The following DYSF variants were observed in gnomAD, a reference collection of about 807,000 sequenced individuals.
The protein encoded by DYSF is dysferlin.
A neutral mutation model predicts 274.9 loss-of-function variants in DYSF; 212 were observed. That is an observed-to-expected ratio of 0.77 (90% CI 0.69 to 0.86). The LOEUF is 0.86. DYSF is among the 40% of genes least tolerant of loss of function. DYSF has a pLI of 0.00. For synonymous variants in DYSF, 1,091 were observed against 1,078.7 expected (o/e 1.01, Z -0.22); for missense variants, 2,666 against 2,783.2 (o/e 0.96, Z 0.95).
At chr2:71,585,863 G>A (rs955091850) in intron 30 of DYSF, among the ~76,000 whole-genome samples, 5 of 152,156 alleles carry the variant, frequency 3.3e-5, no homozygotes, top group African/African-American at 9.7e-5. Flanking sequence ...AATTCAGGGC[G>A]AAGTGGGAGT....
chr2:71,552,125 T>A (rs1246042647), intron 19 of DYSF, among the ~76,000 whole-genome samples: 1 of 152,188 alleles, frequency 6.6e-6, no homozygotes, highest in East Asian at 1.9e-4. Flanking sequence ...ATTATTATTA[T>A]CCCCATTTCA....
At position 71,466,733 on chromosome 2, in the gene DYSF, C is replaced by G. The variant is rs2081558292; in HGVS notation, c.-110C>G. On this transcript the variant is annotated 5_prime_UTR_variant, in exon 1 of 56. Transcript: ENST00000410020. ...CGGAGGAGCAGCGAAGGCGACAGCT[C>G]TCTTGGCGCGGCTGCCTGGGAGCCG... 7.1e-7 allele frequency: 1 copy of G among 1,403,088 alleles called. No individual in the cohort carries two copies. Among genetic ancestry groups the G allele is most frequent in the Admixed American group, 2.8e-5 (1 of 35,232 alleles). The allele number at this position is 1,403,088 out of a possible 1,614,324, so 86.9% of individuals were successfully genotyped here. A position where few individuals can be genotyped will look rare whatever the true frequency, so the allele number is the denominator to read the frequency against.
chr2:71,618,686 AG>A (rs2094011712), intron 40 of DYSF, among the ~76,000 whole-genome samples: 1 of 103,458 alleles, frequency 9.7e-6, no homozygotes. Context: ...GAGGGATGTG[AG>A]TGTGTGTGCG....
chr2:71,671,047 A>C (rs892775976), intron 51 of DYSF, among the ~76,000 whole-genome samples: 2 of 152,038 alleles, frequency 1.3e-5, no homozygotes, highest in African/African-American at 2.4e-5. Flanking sequence ...CAGTGCCTGC[A>C]TTTTCTTGAT....
intron 52 of DYSF, among the ~76,000 whole-genome samples, chr2:71,677,085 G>A (rs912248799): frequency 2.0e-5 from 3 of 152,130 alleles, no homozygotes; most frequent in Non-Finnish European, 4.4e-5. Flanking sequence ...ATATACAGTT[G>A]AATAAGTGGA....
At chr2:71,618,435 GT>G (rs2093986482) in intron 40 of DYSF, among the ~76,000 whole-genome samples, 4 of 130,152 alleles carry the variant, frequency 3.1e-5, no homozygotes, top group South Asian at 2.7e-4. Context: ...TAGAGGTGGG[GT>G]GTGTGTGGTA....
chr2:71,634,607 C>T (rs963094417), intron 41 of DYSF, among the ~76,000 whole-genome samples: 1 of 152,174 alleles, frequency 6.6e-6, no homozygotes, highest in Non-Finnish European at 1.5e-5. Context: ...CTTTATTTTT[C>T]TGTAAATCAA....
chr2:71,624,591 T>A (rs1167093298), intron 41 of DYSF, among the ~76,000 whole-genome samples: 1 of 152,178 alleles, frequency 6.6e-6, no homozygotes, highest in Non-Finnish European at 1.5e-5. Context: ...ATTTGGAAAT[T>A]ATATGATACA....
Position 71,470,753 on chromosome 2 carries a change from C to T in DYSF, c.91+3820C>T, listed in dbSNP as rs559007504. ...CCTTCCTTCTTTCCTTCCTTCCTTCCTTCCTTCCTTCCTTCCTTCCTTCCT... is the reference window on the plus strand; with the variant it reads ...CCTTCCTTCTTTCCTTCCTTCCTTCTTTCCTTCCTTCCTTCCTTCCTTCCT... On this transcript the variant is annotated intron_variant, in intron 1 of 55. Coordinates refer to ENST00000410020, the MANE Select transcript of DYSF (RefSeq NM_001130987.2). 4.2e-3 allele frequency among the ~76,000 whole-genome samples: 580 copies of T among 137,712 alleles called. 5 individuals carry two copies. Among genetic ancestry groups the T allele is most frequent in the African/African-American group, 0.014 (533 of 37,812 alleles). The allele number at this position is 137,712 out of a possible 152,430, so 90.3% of individuals were successfully genotyped here. A position where few individuals can be genotyped will look rare whatever the true frequency, so the allele number is the denominator to read the frequency against.
In DYSF at chr2:71,561,941, G is replaced by A; in HGVS notation, c.2406G>A (p.Glu802=). 1.2e-6 allele frequency: 2 copies of A among 1,613,588 alleles called. No homozygotes were observed. Among genetic ancestry groups the A allele is most frequent in the South Asian group, 1.1e-5 (1 of 90,982 alleles). ...DWLLRLRALA[E]EPQNSLPDIV... is the part of the protein sequence containing the mutation. ...TCCTGCGTCTGCGTGCCCTGGCAGA[G>A]GAGGTAATTAAGCCTGGGGGTGCCT... Residue 802 remains glutamate (E), a synonymous_variant, in exon 23 of 56, where the codon GAG becomes GAA. Coordinates refer to ENST00000410020, the MANE Select transcript of DYSF (RefSeq NM_001130987.2).
In DYSF at chr2:71,513,349, G is replaced by A. The variant is rs1445811411; in HGVS notation, c.553+17G>A. ...CCCCCACGGGTGAGACACGGGCCAG[G>A]ACTGTCCTGATCCCAGACCCTCCCT... On this transcript the variant is annotated intron_variant, in intron 6 of 55. Coordinates refer to ENST00000410020, the MANE Select transcript of DYSF (RefSeq NM_001130987.2). 2 of 1,550,432 alleles carry A rather than the reference G, an allele frequency of 1.3e-6. No individual in the cohort carries two copies. The highest frequency in any genetic ancestry group is 8.7e-7 in the Non-Finnish European group (1 of 1,146,142).
rs2081562962 is a variant in DYSF at position 71,466,788 on chromosome 2, G to A, written c.-55G>A. On this transcript the variant is annotated 5_prime_UTR_variant, in exon 1 of 56. In the 5' UTR this introduces an upstream ATG that the reference lacks. Transcript: ENST00000410020. The stretch of plus-strand genomic sequence containing the variant: ...CTTGCTGGGTGGGTGCTCGGGCCCG[G>A]TGCTCCCGCTCCCGCCCTGACTGCG... The A allele has an allele frequency of 4.8e-6, 7 of 1,454,428 alleles. No homozygotes were observed. The highest frequency in any genetic ancestry group is 4.6e-6 in the Non-Finnish European group (5 of 1,090,458). The allele number at this position is 1,454,428 out of a possible 1,614,324, so 90.1% of individuals were successfully genotyped here. A position where few individuals can be genotyped will look rare whatever the true frequency, so the allele number is the denominator to read the frequency against.
rs144246151 is a variant in DYSF at position 71,508,513 on chromosome 2, G to C, written c.346-3294G>C. On this transcript the variant is annotated intron_variant, in intron 4 of 55. Transcript: ENST00000410020. ...TTTCTTTGACTTTTATAACCTTGTA[G>C]CTGGATATTTTTTTGAAATTCCGGC... Among the ~76,000 whole-genome samples the C allele has an allele frequency of 2.8e-3, 423 of 152,256 alleles. 2 individuals carry two copies. Among genetic ancestry groups the C allele is most frequent in the African/African-American group, 9.6e-3 (400 of 41,540 alleles).
chr2:71,505,808 G>A (rs974615378), intron 4 of DYSF, among the ~76,000 whole-genome samples: 5 of 152,332 alleles, frequency 3.3e-5, no homozygotes, highest in South Asian at 2.1e-4. Flanking sequence ...AAACTCAGTC[G>A]GCATCACCCG....
chr2:71,605,276 G>C (rs573120860), intron 36 of DYSF, among the ~76,000 whole-genome samples: 1 of 152,316 alleles, frequency 6.6e-6, no homozygotes, highest in Non-Finnish European at 1.5e-5. Flanking sequence ...TTTGTCTGGA[G>C]AACAAAGGCA....
At chr2:71,544,840 C>A (rs769679661) in intron 17 of DYSF, among the ~76,000 whole-genome samples, 6 of 152,194 alleles carry the variant, frequency 3.9e-5, no homozygotes, top group Non-Finnish European at 7.3e-5. Context: ...CATTGTTTTT[C>A]ATTCACTTCA....
chr2:71,631,504 T>G (rs1456478330), intron 41 of DYSF, among the ~76,000 whole-genome samples: 1 of 152,208 alleles, frequency 6.6e-6, no homozygotes, highest in African/African-American at 2.4e-5. Flanking sequence ...TTAGGGAGGT[T>G]TGATGCCCGT....
chr2:71,595,003 G>T (rs2093366886), intron 32 of DYSF, among the ~76,000 whole-genome samples: 1 of 152,222 alleles, frequency 6.6e-6, no homozygotes, highest in African/African-American at 2.4e-5. Context: ...ATCAATAATT[G>T]TATAGTGAAT....
intron 17 of DYSF, among the ~76,000 whole-genome samples, chr2:71,541,353 T>A (rs1362082714): frequency 6.6e-6 from 1 of 152,196 alleles, no homozygotes; most frequent in African/African-American, 2.4e-5. Context: ...TTTACTCTAG[T>A]CAATTTTGAT....
Sources: gnomAD v4.1 joint callset for allele counts (sites outside exome capture counted in the v4.1 genomes callset) on GRCh38, gnomAD v4.1.1 for gene constraint, MANE v1.5 for transcripts, NCBI Gene and HGNC (gene_info 2026-07-23, HGNC 2026-07-21) for gene names.